Variants in INPP5B observed in about 807,000 individuals in gnomAD.
The protein encoded by INPP5B is inositol polyphosphate-5-phosphatase B, also known as type II inositol 1,4,5-trisphosphate 5-phosphatase.
Under a neutral mutation model 118.5 loss-of-function variants are expected in INPP5B, and 90 were observed. The ratio of observed to expected loss-of-function variants is 0.76; its 90% CI spans 0.64 to 0.90. INPP5B has a LOEUF of 0.90. Among genes scored for constraint, INPP5B ranks in the 40% least tolerant of loss-of-function variants. The probability of loss-of-function intolerance (pLI) is 0.00; values close to 1 mark genes in which losing one functional copy is unlikely to be tolerated. For missense variants in INPP5B, 984 were observed against 1,125.6 expected, an observed-to-expected ratio of 0.87 and a Z score of 1.80; for synonymous variants, 385 against 418.9, an observed-to-expected ratio of 0.92 and a Z score of 0.99.
chr1:37,867,086 G>C (rs528638127), intron 20 of INPP5B, among the ~76,000 whole-genome samples: 91 of 152,262 alleles, frequency 6.0e-4, no homozygotes, highest in African/African-American at 2.1e-3. Flanking sequence ...ACAAAAATTA[G>C]CTGGGCTTGG....
chr1:37,874,452 A>C (rs1642663151), intron 17 of INPP5B, among the ~76,000 whole-genome samples: 1 of 152,180 alleles, frequency 6.6e-6, no homozygotes, highest in South Asian at 2.1e-4. Flanking sequence ...TCCACTTCTA[A>C]ACATGAAGAT....
chr1:37,889,866 C>T lies in INPP5B; in HGVS notation c.630-142G>A, dbSNP rs1353366577. ...CCAAAGTAAAATTTATCTACTAAAA[C>T]AACACTATTTCTATGTGGAATTAAG... On this transcript the variant is annotated intron_variant, in intron 8 of 23. Transcript: ENST00000373024. 3 of 563,386 alleles carry T rather than the reference C, an allele frequency of 5.3e-6. No individual in the cohort carries two copies. The African/African-American group carries it at 5.7e-5, about 11-fold the overall frequency. 34.9% of individuals were successfully genotyped at this position (563,386 alleles called of 1,614,324 possible).
chr1:37,868,809 G>A (rs1642213026), intron 19 of INPP5B, among the ~76,000 whole-genome samples, 195 bp from the exon 20 acceptor site: 2 of 152,190 alleles, frequency 1.3e-5, no homozygotes, highest in South Asian at 4.1e-4. Context: ...AGAGGGTTAT[G>A]ACAAGCAGTT....
intron 7 of INPP5B, among the ~76,000 whole-genome samples, chr1:37,892,779 A>T (rs1643884730): frequency 6.6e-6 from 1 of 152,214 alleles, no homozygotes; most frequent in Non-Finnish European, 1.5e-5. Flanking sequence ...CTAACCCCCA[A>T]GATAACATAC....
At chr1:37,905,095 G>A (rs1644460839) in intron 7 of INPP5B, among the ~76,000 whole-genome samples, 1 of 151,916 alleles carries the variant, frequency 6.6e-6, no homozygotes, top group South Asian at 2.1e-4. Flanking sequence ...TCATTGGGCT[G>A]TATTTGCATA....
chr1:37,885,783 T>C lies in INPP5B; in HGVS notation c.1174A>G (p.Thr392Ala). 6.2e-7 allele frequency: 1 copy of C among 1,614,140 alleles called. No individual in the cohort carries two copies. The highest frequency in any genetic ancestry group is 1.1e-5 in the South Asian group (1 of 91,084). Residue 392 changes from threonine (T) to alanine (A), a missense_variant, in exon 13 of 24, where the codon ACC becomes GCC. Thr to Ala is a moderately conservative substitution (Grantham distance 58). Coordinates refer to ENST00000373024, the MANE Select transcript of INPP5B (RefSeq NM_005540.3). ...GVAIRFQFHN[T>A]SICVVNSHLA... ...TGAGAATTCACAACGCAGATGCTGG[T>C]GTTGTGGAACTGGAACCTGATCGCC...
At chr1:37,906,748 T>C (rs750120528) in intron 7 of INPP5B, among the ~76,000 whole-genome samples, 5 of 151,464 alleles carry the variant, frequency 3.3e-5, no homozygotes, top group Non-Finnish European at 7.4e-5. Flanking sequence ...TAATCCCAGA[T>C]ACTCGGGAGG....
At chr1:37,940,577 A>G (rs182544075) in intron 6 of INPP5B, 111 bp downstream of exon 6, 2 of 657,330 alleles carry the variant, frequency 3.0e-6, no homozygotes, top group East Asian at 5.4e-5. Flanking sequence ...GCAGCTTCGA[A>G]AGGACACAGA....
chr1:37,931,632 C>G (rs1378580870), intron 7 of INPP5B: 1 of 1,535,122 alleles, frequency 6.5e-7, no homozygotes, highest in South Asian at 1.2e-5. Flanking sequence ...CCGCCGCCCC[C>G]GGCCCAGCTC....
chr1:37,917,203 T>G (rs1346713149), intron 7 of INPP5B, among the ~76,000 whole-genome samples: 3 of 145,402 alleles, frequency 2.1e-5, no homozygotes, highest in Admixed American at 7.0e-5. Flanking sequence ...GCAGGAGAAT[T>G]GCTTGAACCC....
intron 19 of INPP5B, 66 bp downstream of exon 19, chr1:37,872,864 A>G (rs1438584554): frequency 8.3e-7 from 1 of 1,205,692 alleles, no homozygotes. Context: ...TAGGCATAGG[A>G]ATATCTTGTT....
At chr1:37,863,317 C>T (rs1314575766) in intron 23 of INPP5B, among the ~76,000 whole-genome samples, 1 of 151,532 alleles carries the variant, frequency 6.6e-6, no homozygotes, top group Non-Finnish European at 1.5e-5. Context: ...GAGATTGAGA[C>T]CATCCTGGCC....
chr1:37,900,615 T>C (rs1038931305), intron 7 of INPP5B, among the ~76,000 whole-genome samples: 1 of 150,608 alleles, frequency 6.6e-6, no homozygotes, highest in Non-Finnish European at 1.5e-5. Context: ...ACTTTGAATT[T>C]TTCTTTTTTT....
chr1:37,932,424 A>AGT (rs1265829292), intron 6 of INPP5B, among the ~76,000 whole-genome samples: 1 of 129,304 alleles, frequency 7.7e-6, no homozygotes, highest in East Asian at 2.4e-4. Context: ...GCTGGAGTGC[A>AGT]GTGGAGCGAT....
chr1:37,931,834 C>T (rs1645483879), intron 7 of INPP5B, 79 bp downstream of exon 7: 1 of 1,610,840 alleles, frequency 6.2e-7, no homozygotes, highest in East Asian at 2.2e-5. Context: ...CATCGCTCCG[C>T]CCCAAAACAG....
chr1:37,896,395 G>A (rs1272687893), intron 7 of INPP5B, among the ~76,000 whole-genome samples: 12 of 151,534 alleles, frequency 7.9e-5, no homozygotes, highest in South Asian at 4.2e-4. Context: ...GTCTCCGCCC[G>A]GCAGCCACCT....
intron 6 of INPP5B, 124 bp downstream of exon 6, chr1:37,940,564 C>T (rs1645874184): frequency 8.0e-6 from 5 of 628,484 alleles, no homozygotes; most frequent in Non-Finnish European, 1.4e-5. Flanking sequence ...TGGCTTTACA[C>T]CAGCAGCTTC....
intron 3 of INPP5B, among the ~76,000 whole-genome samples, chr1:37,944,789 G>T (rs1386444973): frequency 6.6e-6 from 1 of 150,378 alleles, no homozygotes. Flanking sequence ...GGAGCGGGAG[G>T]TGGGGCGGGG....
At chr1:37,873,702 G>C (rs1261184674) in intron 18 of INPP5B, among the ~76,000 whole-genome samples, 1 of 152,216 alleles carries the variant, frequency 6.6e-6, no homozygotes, top group East Asian at 1.9e-4. Context: ...ATTATAGCAA[G>C]ATAGTAAAAT....
Sources: gnomAD v4.1 joint callset for allele counts (sites outside exome capture counted in the v4.1 genomes callset) on GRCh38, gnomAD v4.1.1 for gene constraint, MANE v1.5 for transcripts, NCBI Gene and HGNC (gene_info 2026-07-23, HGNC 2026-07-21) for gene names.